RBMS3: variants seen among roughly 807,000 people sequenced by gnomAD.
RBMS3 encodes RNA binding motif single stranded interacting protein 3, also known as RNA-binding motif, single-stranded-interacting protein 3.
RBMS3 carries 27 observed loss-of-function variants against 66.8 expected under a neutral mutation model. The ratio of observed to expected loss-of-function variants is 0.40; its 90% CI spans 0.30 to 0.56. The LOEUF (loss-of-function observed/expected upper bound fraction) is 0.56, where lower values mean the gene tolerates loss of function less well. Ranked by LOEUF, RBMS3 falls within the 20% of genes least tolerant of loss-of-function variation. RBMS3 has a pLI of 0.40. For synonymous variants in RBMS3, 188 were observed against 183.0 expected (o/e 1.03, Z -0.22); for missense variants, 513 against 549.5 (o/e 0.93, Z 0.66).
chr3:29,638,544 C>T (rs1166993985), intron 4 of RBMS3, among the ~76,000 whole-genome samples: 3 of 151,828 alleles, frequency 2.0e-5, no homozygotes, highest in Non-Finnish European at 4.4e-5. Flanking sequence ...TCTTCTGTTA[C>T]TTGGCAGAGC....
intron 12 of RBMS3, among the ~76,000 whole-genome samples, chr3:29,983,048 C>T (rs1388715171): frequency 6.6e-6 from 1 of 151,720 alleles, no homozygotes; most frequent in Non-Finnish European, 1.5e-5. Flanking sequence ...GTCTAAGTCT[C>T]TTTGTAGGTC....
At chr3:29,544,655 C>T (rs893565737) in intron 3 of RBMS3, among the ~76,000 whole-genome samples, 2 of 149,918 alleles carry the variant, frequency 1.3e-5, no homozygotes, top group Admixed American at 6.6e-5. Flanking sequence ...GAGTCCCACT[C>T]GAGAATATCC....
intron 1 of RBMS3, among the ~76,000 whole-genome samples, chr3:29,373,573 T>C (rs1252546152): frequency 6.6e-6 from 1 of 152,202 alleles, no homozygotes; most frequent in Non-Finnish European, 1.5e-5. Context: ...TCAGTTTCTG[T>C]TTCCAGACTG....
At chr3:29,587,964 T>TA (rs1476556909) in intron 4 of RBMS3, among the ~76,000 whole-genome samples, 1 of 152,060 alleles carries the variant, frequency 6.6e-6, no homozygotes, top group African/African-American at 2.4e-5. Flanking sequence ...CAAGAATCTA[T>TA]ACCTGATAAA....
intron 8 of RBMS3, among the ~76,000 whole-genome samples, chr3:29,884,973 A>G (rs565685648): frequency 1.3e-5 from 2 of 152,068 alleles, no homozygotes; most frequent in African/African-American, 4.8e-5. Flanking sequence ...CTCATTGAAG[A>G]TCAACATAGA....
chr3:29,721,355 A>G (rs1251999178), intron 4 of RBMS3, among the ~76,000 whole-genome samples: 2 of 152,116 alleles, frequency 1.3e-5, no homozygotes, highest in African/African-American at 2.4e-5. Context: ...TGTAATAACT[A>G]TATAACAACA....
chr3:29,581,636 T>TA (rs2047332421), intron 3 of RBMS3, among the ~76,000 whole-genome samples: 1 of 152,380 alleles, frequency 6.6e-6, no homozygotes, highest in East Asian at 1.9e-4. Flanking sequence ...CCCAAATGTT[T>TA]GCTTTTTCTG....
intron 6 of RBMS3, among the ~76,000 whole-genome samples, chr3:29,815,299 G>A (rs544072760): frequency 2.4e-4 from 37 of 152,226 alleles, no homozygotes; most frequent in Non-Finnish European, 4.1e-4. Context: ...TATCACCCAT[G>A]TCAAATACCC....
intron 9 of RBMS3, 39 bp from the exon 10 acceptor site, chr3:29,899,666 A>C (rs1055829989): frequency 4.4e-6 from 7 of 1,590,442 alleles, no homozygotes; most frequent in Admixed American, 1.7e-5. Context: ...AGTTCTCTCT[A>C]TGATTGCTTT....
At chr3:29,837,704 A>ATATATG (rs2058559317) in intron 6 of RBMS3, among the ~76,000 whole-genome samples, 1 of 115,976 alleles carries the variant, frequency 8.6e-6, no homozygotes, top group Non-Finnish European at 1.7e-5. Flanking sequence ...ATATATATAT[A>ATATATG]TATGCTTATT....
At chr3:29,978,828 T>C (rs963057330) in intron 12 of RBMS3, among the ~76,000 whole-genome samples, 2 of 152,106 alleles carry the variant, frequency 1.3e-5, no homozygotes, top group Non-Finnish European at 1.5e-5. Context: ...AAAAGTGTGC[T>C]GAATACTAGG....
chr3:29,327,671 G>A (rs1278019699), intron 1 of RBMS3, among the ~76,000 whole-genome samples: 1 of 152,206 alleles, frequency 6.6e-6, no homozygotes, highest in Admixed American at 6.5e-5. Context: ...ATTTGATGGT[G>A]TGTGTTCTTG....
intron 3 of RBMS3, among the ~76,000 whole-genome samples, chr3:29,551,026 G>T (rs2046164364): frequency 6.6e-6 from 1 of 152,170 alleles, no homozygotes; most frequent in African/African-American, 2.4e-5. Flanking sequence ...TGATTACTTG[G>T]CAGTAGAGAG....
intron 1 of RBMS3, among the ~76,000 whole-genome samples, chr3:29,350,373 A>G (rs1455699434): frequency 6.6e-6 from 1 of 152,192 alleles, no homozygotes. Flanking sequence ...GATTGCCAAT[A>G]TATGTAAAAT....
At chr3:29,961,483 A>G (rs1696440307) in intron 12 of RBMS3, among the ~76,000 whole-genome samples, 2 of 152,138 alleles carry the variant, frequency 1.3e-5, no homozygotes, top group South Asian at 2.1e-4. Context: ...ACCCCACTAC[A>G]CAGTACCAAT....
chr3:29,532,268 A>ATATATATATATC (rs2045391026), intron 3 of RBMS3, among the ~76,000 whole-genome samples: 1 of 131,738 alleles, frequency 7.6e-6, no homozygotes, highest in South Asian at 2.3e-4. Context: ...ATATGTATAT[A>ATATATATATATC]TATATATATA....
At chr3:29,803,646 T>G (rs970683006) in intron 6 of RBMS3, among the ~76,000 whole-genome samples, 8 of 152,068 alleles carry the variant, frequency 5.3e-5, no homozygotes, top group African/African-American at 1.9e-4. Context: ...ATATATTATA[T>G]GTATACTGTT....
intron 6 of RBMS3, among the ~76,000 whole-genome samples, chr3:29,780,322 A>AG (rs1276959557): frequency 6.6e-6 from 1 of 151,430 alleles, no homozygotes; most frequent in Non-Finnish European, 1.5e-5. Flanking sequence ...CAGATAACAA[A>AG]AAAAAAAAAA....
intron 1 of RBMS3, among the ~76,000 whole-genome samples, chr3:29,335,223 A>G (rs140547738): frequency 7.1e-4 from 108 of 152,162 alleles, no homozygotes; most frequent in African/African-American, 2.6e-3. Context: ...CAGTTTTATG[A>G]TAGAGCAAAC....
Sources: allele counts gnomAD v4.1 joint callset (sites outside exome capture counted in the v4.1 genomes callset), GRCh38; gene constraint gnomAD v4.1.1; transcripts MANE v1.5; gene names NCBI Gene and HGNC (gene_info 2026-07-23, HGNC 2026-07-21).